SAMD7: variants seen among roughly 807,000 people sequenced by gnomAD.
SAMD7 encodes sterile alpha motif domain containing 7, also known as sterile alpha motif domain-containing protein 7.
SAMD7 carries 34 observed loss-of-function variants against 36.7 expected under a neutral mutation model. The ratio of observed to expected loss-of-function variants is 0.93; its 90% CI spans 0.71 to 1.23. The LOEUF is 1.23. Ranked by LOEUF, SAMD7 falls within the 50% of genes most tolerant of loss-of-function variation. The pLI is 0.00. For synonymous variants in SAMD7, 188 were observed against 189.7 expected, an observed-to-expected ratio of 0.99 and a Z score of 0.07; for missense variants, 570 against 546.6, an observed-to-expected ratio of 1.04 and a Z score of -0.43.
At chr3:169,917,603 T>C (rs1228364487) in intron 2 of SAMD7, among the ~76,000 whole-genome samples, 1 of 146,410 alleles carries the variant, frequency 6.8e-6, no homozygotes. Context: ...TTATACTTAG[T>C]TATTTTTATT....
chr3:169,916,133 C>A (rs913254005), intron 2 of SAMD7, among the ~76,000 whole-genome samples: 33 of 152,094 alleles, frequency 2.2e-4, no homozygotes, highest in African/African-American at 5.3e-4. Context: ...AATGGACGAA[C>A]CTGAAGGACA....
chr3:169,925,066 A>G lies in SAMD7; in HGVS notation c.220A>G (p.Ile74Val). ...LSSRIYPGWGILPPESIKAVA... is the reference protein window; with the variant it reads ...LSSRIYPGWGVLPPESIKAVA... Reference sequence around the variant, plus strand: ...TGGTTTTCTTTTTTAAGGTTGGGGCATTTTACCACCTGAATCCATAAAGGC... The same window carrying G: ...TGGTTTTCTTTTTTAAGGTTGGGGCGTTTTACCACCTGAATCCATAAAGGC... Residue 74 changes from isoleucine to valine, a missense_variant, in exon 5 of 9, where the codon ATT becomes GTT. Transcript: ENST00000335556. 1 of 1,606,116 alleles carries G rather than the reference A, an allele frequency of 6.2e-7. No individual in the cohort carries two copies. The highest frequency in any genetic ancestry group is 8.5e-7 in the Non-Finnish European group (1 of 1,176,302).
chr3:169,924,894 T>C (rs142286680), intron 4 of SAMD7, among the ~76,000 whole-genome samples, 164 bp from the exon 5 acceptor site: 1 of 150,684 alleles, frequency 6.6e-6, no homozygotes, highest in African/African-American at 2.4e-5. Flanking sequence ...GACTCTAAGA[T>C]ACCGAACTGC....
intron 2 of SAMD7, among the ~76,000 whole-genome samples, chr3:169,916,904 A>G (rs1483190324): frequency 6.6e-6 from 1 of 152,202 alleles, no homozygotes; most frequent in Non-Finnish European, 1.5e-5. Flanking sequence ...GGTCCTCGCT[A>G]GAGTTATGAG....
intron 8 of SAMD7, among the ~76,000 whole-genome samples, chr3:169,936,971 GAAGT>G (rs1713742805): frequency 6.6e-6 from 1 of 152,162 alleles, no homozygotes; most frequent in Non-Finnish European, 1.5e-5. Context: ...GTCAAGAGCA[GAAGT>G]AATAATAATA....
chr3:169,926,300 G>C, intron 5 of SAMD7: 3 of 1,391,372 alleles, frequency 2.2e-6, no homozygotes, highest in Non-Finnish European at 2.8e-6. Context: ...CCCCATCCCT[G>C]CTAAATTTGC....
Position 169,919,348 on chromosome 3 carries a change from C to A in SAMD7, c.-41-110C>A, listed in dbSNP as rs1015916572. The A allele has an allele frequency of 4.7e-6, 3 of 638,748 alleles. No individual in the cohort carries two copies. In the Admixed American group the frequency reaches 8.3e-5, roughly 18 times the overall value. The allele number at this position is 638,748 out of a possible 1,614,324, so 39.6% of individuals were successfully genotyped here. On this transcript the variant is annotated intron_variant, in intron 2 of 8. Transcript: ENST00000335556. ...TAACTAAAAGCTTGGTGTAGCTAGTCTTCCCAAGTGTTGTGAAAATACAAA... is the reference window on the plus strand; with the variant it reads ...TAACTAAAAGCTTGGTGTAGCTAGTATTCCCAAGTGTTGTGAAAATACAAA...
chr3:169,916,466 C>A (rs1250508617), intron 2 of SAMD7, among the ~76,000 whole-genome samples: 2 of 151,956 alleles, frequency 1.3e-5, no homozygotes, highest in African/African-American at 2.4e-5. Context: ...GCCAACATGG[C>A]GAAACCCTGT....
intron 1 of SAMD7, among the ~76,000 whole-genome samples, chr3:169,914,225 T>C (rs963249528): frequency 1.3e-5 from 2 of 152,222 alleles, no homozygotes; most frequent in African/African-American, 2.4e-5. Context: ...GAAAACTCTC[T>C]GTAGTGTCCA....
intron 7 of SAMD7, chr3:169,933,008 T>G: frequency 1.3e-6 from 1 of 749,248 alleles, no homozygotes; most frequent in Non-Finnish European, 2.5e-6. Context: ...GTGGCATCAC[T>G]CAGGTGTCTA....
intron 1 of SAMD7, among the ~76,000 whole-genome samples, chr3:169,914,011 T>G (rs1451235083): frequency 1.3e-5 from 2 of 152,242 alleles, no homozygotes; most frequent in Non-Finnish European, 1.5e-5. Flanking sequence ...CTATTCTGTA[T>G]GATACTGTAA....
At chr3:169,928,270 A>T (rs1713354379) in intron 6 of SAMD7, among the ~76,000 whole-genome samples, 187 bp from the exon 7 acceptor site, 1 of 152,252 alleles carries the variant, frequency 6.6e-6, no homozygotes, top group Non-Finnish European at 1.5e-5. Context: ...ATCAGTAAAG[A>T]TCTTTTCAGA....
intron 6 of SAMD7, 76 bp downstream of exon 6, chr3:169,927,257 T>C: frequency 2.4e-6 from 2 of 850,520 alleles, no homozygotes; most frequent in Non-Finnish European, 3.4e-6. Flanking sequence ...CATAATAAAC[T>C]GTAACCATCC....
Position 169,927,361 on chromosome 3 carries a change from C to T in SAMD7, c.919+180C>T, listed in dbSNP as rs1713319845. Among the ~76,000 whole-genome samples, 3 of 128,732 alleles carry T rather than the reference C, an allele frequency of 2.3e-5. No homozygotes were observed. In the South Asian group the frequency reaches 7.8e-4, roughly 33 times the overall value. The allele number at this position is 128,732 out of a possible 152,430, so 84.5% of individuals were successfully genotyped here. A position where few individuals can be genotyped will look rare whatever the true frequency, so the allele number is the denominator to read the frequency against. On this transcript the variant is annotated intron_variant, in intron 6 of 8. Transcript: ENST00000335556. ...CCAGGCTGGAGTGCAGTGGCGCGATCTCGGCTCACTGCAACCTCCGCCTGC... is the reference window on the plus strand; with the variant it reads ...CCAGGCTGGAGTGCAGTGGCGCGATTTCGGCTCACTGCAACCTCCGCCTGC...
chr3:169,912,064 T>C (rs1199030007), intron 1 of SAMD7, among the ~76,000 whole-genome samples: 1 of 152,238 alleles, frequency 6.6e-6, no homozygotes, highest in Admixed American at 6.5e-5. Context: ...TCTTAGTTTT[T>C]GGAGTTTTTT....
chr3:169,915,723 T>C (rs1343883813), intron 2 of SAMD7, among the ~76,000 whole-genome samples: 1 of 151,582 alleles, frequency 6.6e-6, no homozygotes, highest in Non-Finnish European at 1.5e-5. Flanking sequence ...TAGCTGGGAC[T>C]ACAGGCGCCA....
rs372316730 is a variant in SAMD7, at chr3:169,938,465, A to G, written c.1300A>G (p.Ile434Val). 13 of 1,613,184 alleles carry G rather than the reference A, an allele frequency of 8.1e-6. No individual in the cohort carries two copies. In the South Asian group the frequency reaches 9.9e-5, roughly 12 times the overall value. The change falls in exon 9 of 9, where the codon ATA becomes GTA. Residue 434 changes from isoleucine to valine, a missense_variant. By Grantham distance (29) the Ile-to-Val change is conservative. Coordinates refer to ENST00000335556, the MANE Select transcript of SAMD7 (RefSeq NM_001304366.2). ...TMNIFCPQDT[I>V]IPKGIERGSM... ...GAACATTTTTTGTCCCCAGGATACAATAATTCCTAAAGGAATTGAGCGAGG... is the reference window on the plus strand; with the variant it reads ...GAACATTTTTTGTCCCCAGGATACAGTAATTCCTAAAGGAATTGAGCGAGG...
At chr3:169,922,517 G>A (rs1459454029) in intron 4 of SAMD7, among the ~76,000 whole-genome samples, 3 of 152,172 alleles carry the variant, frequency 2.0e-5, no homozygotes, top group African/African-American at 7.2e-5. Context: ...TTGTTTGTTT[G>A]AGATGGAGTT....
chr3:169,922,295 A>G (rs2108258863), intron 4 of SAMD7, among the ~76,000 whole-genome samples: 1 of 152,240 alleles, frequency 6.6e-6, no homozygotes, highest in East Asian at 1.9e-4. Flanking sequence ...TAGAAGAGGT[A>G]AAAGGAGCAT....
Sources: allele counts gnomAD v4.1 joint callset (sites outside exome capture counted in the v4.1 genomes callset), GRCh38; gene constraint gnomAD v4.1.1; transcripts MANE v1.5; gene names NCBI Gene and HGNC (gene_info 2026-07-23, HGNC 2026-07-21).